GPR137C: variants seen among roughly 807,000 people sequenced by gnomAD.
GPR137C encodes the protein integral membrane protein GPR137C.
In GPR137C, 27 loss-of-function variants were observed where a neutral mutation model predicts 43.4. That is an observed-to-expected ratio of 0.62 (90% CI 0.46 to 0.86). The LOEUF is 0.86. Ranked by LOEUF, GPR137C falls within the 40% of genes least tolerant of loss-of-function variation. GPR137C has a pLI of 0.00. For synonymous variants in GPR137C, 285 were observed against 226.9 expected, an observed-to-expected ratio of 1.26 and a Z score of -2.30; for missense variants, 522 against 534.6, an observed-to-expected ratio of 0.98 and a Z score of 0.23.
At chr14:52,621,877 T>C (rs529313665) in intron 3 of GPR137C, among the ~76,000 whole-genome samples, 1 of 151,706 alleles carries the variant, frequency 6.6e-6, no homozygotes, top group South Asian at 2.1e-4. Context: ...AAATAAAAAA[T>C]TAAGAGATTA....
intron 4 of GPR137C, 143 bp downstream of exon 4, chr14:52,632,452 T>A: frequency 1.8e-6 from 1 of 565,436 alleles, no homozygotes. Context: ...GCTTTGTGTT[T>A]AAAAATCTTT....
At chr14:52,571,288 T>C (rs1174153928) in intron 1 of GPR137C, among the ~76,000 whole-genome samples, 4 of 152,082 alleles carry the variant, frequency 2.6e-5, no homozygotes, top group Non-Finnish European at 5.9e-5. Context: ...TTGAAACCAA[T>C]GAGAATAAAC....
intron 1 of GPR137C, among the ~76,000 whole-genome samples, chr14:52,594,438 A>G (rs1386896788): frequency 6.6e-6 from 1 of 151,254 alleles, no homozygotes; most frequent in Non-Finnish European, 1.5e-5. Context: ...AAAGTCTCCG[A>G]TTATTGGGAG....
At chr14:52,554,957 G>A (rs2038170258) in intron 1 of GPR137C, among the ~76,000 whole-genome samples, 1 of 151,994 alleles carries the variant, frequency 6.6e-6, no homozygotes, top group Non-Finnish European at 1.5e-5. Flanking sequence ...GAAATAAGAA[G>A]CATAGGTTAT....
At chr14:52,615,615 T>G (rs981321353) in intron 3 of GPR137C, among the ~76,000 whole-genome samples, 10 of 152,214 alleles carry the variant, frequency 6.6e-5, no homozygotes, top group Non-Finnish European at 1.5e-4. Context: ...TTTCCATTTA[T>G]TTGGTGTCCT....
chr14:52,599,434 C>CTTTT (rs376009711), intron 2 of GPR137C, among the ~76,000 whole-genome samples: 2 of 139,726 alleles, frequency 1.4e-5, no homozygotes, highest in African/African-American at 2.6e-5. Context: ...TTTTTTTTTC[C>CTTTT]TTTTTTTTTT....
At position 52,612,542 on chromosome 14, in the gene GPR137C, T is replaced by C. The variant is rs934925503; in HGVS notation, c.717+12201T>C. 4.1e-6 allele frequency: 4 copies of C among 978,968 alleles called. No homozygotes were observed. The African/African-American group carries it at 7.0e-5, about 17-fold the overall frequency. The allele number at this position is 978,968 out of a possible 1,614,324, so 60.6% of individuals were successfully genotyped here. A position where few individuals can be genotyped will look rare whatever the true frequency, so the allele number is the denominator to read the frequency against. ...TCAGTTTACAGAGCACTCACGTATC[T>C]TTTATGTTATGATTTGCATTACTTT... On this transcript the variant is annotated intron_variant, in intron 3 of 6. Coordinates refer to ENST00000321662, the MANE Select transcript of GPR137C (RefSeq NM_001099652.2).
At chr14:52,586,973 C>T (rs977706492) in intron 1 of GPR137C, among the ~76,000 whole-genome samples, 10 of 152,100 alleles carry the variant, frequency 6.6e-5, no homozygotes, top group Admixed American at 1.3e-4. Context: ...ATCATTCAAA[C>T]GTAGAATCAT....
At position 52,553,614 on chromosome 14, in the gene GPR137C, C is replaced by T. The variant is rs763713796; in HGVS notation, c.444+23C>T. On this transcript the variant is annotated intron_variant, in intron 1 of 6. Transcript: ENST00000321662. ...GAGGTAAGGCGGGAGGGCCGGCATGCGGGGCCCGGGCGGGTGCGCGGGGCC... is the reference window on the plus strand; with the variant it reads ...GAGGTAAGGCGGGAGGGCCGGCATGTGGGGCCCGGGCGGGTGCGCGGGGCC... 19 of 1,502,310 alleles carry T rather than the reference C, an allele frequency of 1.3e-5. No homozygotes were observed. In the Admixed American group the frequency reaches 3.7e-4, roughly 29 times the overall value. The allele number at this position is 1,502,310 out of a possible 1,614,324, so 93.1% of individuals were successfully genotyped here. A position where few individuals can be genotyped will look rare whatever the true frequency, so the allele number is the denominator to read the frequency against.
At chr14:52,565,562 A>C (rs562909944) in intron 1 of GPR137C, among the ~76,000 whole-genome samples, 86 of 152,336 alleles carry the variant, frequency 5.6e-4, no homozygotes, top group Middle Eastern at 3.4e-3. Flanking sequence ...ATTTCAAAAG[A>C]AATTTTGCAT....
chr14:52,593,058 C>T (rs935774825), intron 1 of GPR137C, among the ~76,000 whole-genome samples: 2 of 152,094 alleles, frequency 1.3e-5, no homozygotes, highest in Non-Finnish European at 1.5e-5. Flanking sequence ...TGAATTTAAT[C>T]GAAGGCCTTT....
At chr14:52,634,374 C>T (rs562100015) in intron 6 of GPR137C, among the ~76,000 whole-genome samples, 1 of 152,106 alleles carries the variant, frequency 6.6e-6, no homozygotes, top group Non-Finnish European at 1.5e-5. Flanking sequence ...GTTACAAAAC[C>T]ATTTCAAGTC....
chr14:52,574,035 G>A (rs1186972322), intron 1 of GPR137C, among the ~76,000 whole-genome samples: 4 of 152,180 alleles, frequency 2.6e-5, no homozygotes, highest in Non-Finnish European at 4.4e-5. Context: ...TCTCATGCCA[G>A]TTAGAATGGC....
intron 1 of GPR137C, among the ~76,000 whole-genome samples, chr14:52,583,183 TA>T (rs550237117): frequency 2.0e-5 from 3 of 152,200 alleles, no homozygotes; most frequent in Non-Finnish European, 2.9e-5. Context: ...ATTCTGAACT[TA>T]AAAAAAATCT....
At chr14:52,562,905 G>A (rs1387210867) in intron 1 of GPR137C, among the ~76,000 whole-genome samples, 1 of 152,126 alleles carries the variant, frequency 6.6e-6, no homozygotes, top group African/African-American at 2.4e-5. Context: ...AAAGAGGTTT[G>A]ATAAAGCCAA....
intron 3 of GPR137C, chr14:52,612,669 C>A: frequency 4.5e-6 from 1 of 223,950 alleles, no homozygotes; most frequent in Non-Finnish European, 7.5e-6. Context: ...TTATGTAATT[C>A]TCCTACCTCA....
At chr14:52,627,280 C>T (rs1169112731) in intron 3 of GPR137C, among the ~76,000 whole-genome samples, 1 of 152,074 alleles carries the variant, frequency 6.6e-6, no homozygotes, top group Non-Finnish European at 1.5e-5. Context: ...GTAGTCCTAG[C>T]TAACTGGGGA....
chr14:52,611,855 T>C, intron 3 of GPR137C: 7 of 750,178 alleles, frequency 9.3e-6, no homozygotes, highest in Non-Finnish European at 1.1e-5. Context: ...GAAATAATAA[T>C]GTATGGAAAG....
At chr14:52,564,715 A>G (rs1314886838) in intron 1 of GPR137C, among the ~76,000 whole-genome samples, 3 of 152,200 alleles carry the variant, frequency 2.0e-5, no homozygotes, top group African/African-American at 7.2e-5. Context: ...GGTAAGCACT[A>G]TAGGAATAAG....
Sources: gnomAD v4.1 joint callset for allele counts (sites outside exome capture counted in the v4.1 genomes callset) on GRCh38, gnomAD v4.1.1 for gene constraint, MANE v1.5 for transcripts, NCBI Gene and HGNC (gene_info 2026-07-23, HGNC 2026-07-21) for gene names.